The following ZNF407 variants were observed in gnomAD, a reference collection of about 807,000 sequenced individuals.
ZNF407 encodes the protein zinc finger protein 407.
Under a neutral mutation model 131.2 loss-of-function variants are expected in ZNF407, and 17 were observed. The ratio of observed to expected loss-of-function variants is 0.13; its 90% confidence interval spans 0.09 to 0.19. ZNF407 has a LOEUF of 0.19. Ranked by LOEUF, ZNF407 falls within the 10% of genes least tolerant of loss-of-function variation. The probability of loss-of-function intolerance (pLI) is 1.00; values close to 1 mark genes in which losing one functional copy is unlikely to be tolerated. For missense variants in ZNF407, 2,681 were observed against 2,830.6 expected (o/e 0.95, Z 1.20); for synonymous variants, 1,156 against 1,062.0 (o/e 1.09, Z -1.72).
At chr18:74,641,632 G>A (rs1432364521) in intron 3 of ZNF407, among the ~76,000 whole-genome samples, 1 of 152,070 alleles carries the variant, frequency 6.6e-6, no homozygotes, top group East Asian at 1.9e-4. Flanking sequence ...ATGCATTTTT[G>A]TGTAACTTTA....
intron 3 of ZNF407, among the ~76,000 whole-genome samples, chr18:74,687,489 A>G (rs998563164): frequency 6.6e-6 from 1 of 151,434 alleles, no homozygotes; most frequent in African/African-American, 2.4e-5. Context: ...CGGGAAAAGG[A>G]CTCCTTGAAA....
At chr18:74,638,927 T>G (rs528471266) in intron 2 of ZNF407, among the ~76,000 whole-genome samples, 1 of 152,182 alleles carries the variant, frequency 6.6e-6, no homozygotes, top group Non-Finnish European at 1.5e-5. Context: ...TTTTTTTTCT[T>G]TAATGCGGAG....
intron 3 of ZNF407, among the ~76,000 whole-genome samples, chr18:74,706,696 G>T (rs544679397): frequency 1.3e-5 from 2 of 152,256 alleles, no homozygotes; most frequent in Admixed American, 1.3e-4. Context: ...AAAGCAAAGG[G>T]ATTGAGAGTG....
Position 74,630,988 on chromosome 18 carries a change from C to T in ZNF407, c.-32C>T. 6.4e-7 allele frequency: 1 copy of T among 1,572,442 alleles called. No homozygotes were observed. Among genetic ancestry groups the T allele is most frequent in the Non-Finnish European group, 8.6e-7 (1 of 1,163,900 alleles). On this transcript the variant is annotated 5_prime_UTR_variant, in exon 2 of 9. Coordinates refer to ENST00000299687, the MANE Select transcript of ZNF407 (RefSeq NM_017757.3). ...ACAGGTTATGAGTGCCAGTGAGCCG[C>T]CTTAGATAGAAGCATCGTCAGCACT...
At chr18:75,009,066 C>G (rs556772375) in intron 8 of ZNF407, among the ~76,000 whole-genome samples, 1 of 152,264 alleles carries the variant, frequency 6.6e-6, no homozygotes, top group Admixed American at 6.5e-5. Context: ...AGAATAGGCT[C>G]CCTTTCTCTT....
At chr18:74,601,304 G>GTT (rs1982566607) in intron 1 of ZNF407, among the ~76,000 whole-genome samples, 1 of 143,102 alleles carries the variant, frequency 7.0e-6, no homozygotes. Context: ...CCTTCAGTTA[G>GTT]TTGTGTGTGT....
chr18:74,625,113 T>G (rs1289201971), intron 1 of ZNF407, among the ~76,000 whole-genome samples: 1 of 152,260 alleles, frequency 6.6e-6, no homozygotes, highest in African/African-American at 2.4e-5. Flanking sequence ...GTTGAATGTT[T>G]GTTGTTATTT....
chr18:74,713,815 CTG>C (rs1967827503), intron 3 of ZNF407, among the ~76,000 whole-genome samples: 1 of 152,058 alleles, frequency 6.6e-6, no homozygotes, highest in Admixed American at 6.5e-5. Context: ...ATTCAGAACT[CTG>C]TAGGTAAATT....
intron 8 of ZNF407, among the ~76,000 whole-genome samples, chr18:74,965,837 A>T (rs1000371388): frequency 1.3e-5 from 2 of 152,124 alleles, no homozygotes; most frequent in Non-Finnish European, 2.9e-5. Context: ...TTGCCTTTTG[A>T]ATATAAGCCA....
chr18:74,787,422 A>C (rs150441798), intron 4 of ZNF407, among the ~76,000 whole-genome samples: 45 of 152,290 alleles, frequency 3.0e-4, no homozygotes, highest in African/African-American at 1.1e-3. Flanking sequence ...AATATTTTCT[A>C]ACTTCTGCTT....
rs567050867 is a variant in ZNF407 at position 74,993,879 on chromosome 18, A to G, written c.5429-69271A>G. On this transcript the variant is annotated intron_variant, in intron 8 of 8. Transcript: ENST00000299687. ...ATCAGGTAAGCTCTCATTTAGGAAC[A>G]TTCTTCTAAATGACTGGCGTGTATT... Among the ~76,000 whole-genome samples, 7 of 152,366 alleles carry G rather than the reference A, an allele frequency of 4.6e-5. No individual in the cohort carries two copies. The East Asian group carries it at 1.4e-3, about 29-fold the overall frequency.
intron 8 of ZNF407, among the ~76,000 whole-genome samples, chr18:74,991,975 C>T (rs141089191): frequency 4.3e-4 from 66 of 152,332 alleles, no homozygotes; most frequent in African/African-American, 1.3e-3. Flanking sequence ...TCTCCAGCTT[C>T]GCATGGCACC....
chr18:74,676,151 G>T (rs896637029), intron 3 of ZNF407, among the ~76,000 whole-genome samples: 2 of 151,854 alleles, frequency 1.3e-5, no homozygotes, highest in Admixed American at 1.3e-4. Context: ...GAGTACAGTG[G>T]CACGATCTCG....
intron 3 of ZNF407, among the ~76,000 whole-genome samples, chr18:74,655,843 A>G (rs1985431373): frequency 6.6e-6 from 1 of 152,158 alleles, no homozygotes; most frequent in Non-Finnish European, 1.5e-5. Context: ...TTACAAATGA[A>G]AACGTCGGTT....
intron 6 of ZNF407, among the ~76,000 whole-genome samples, chr18:74,885,093 C>T (rs1038484550): frequency 2.0e-5 from 3 of 152,030 alleles, no homozygotes; most frequent in Non-Finnish European, 4.4e-5. Flanking sequence ...AATTGCTTGA[C>T]CACTTAGACT....
At chr18:74,754,085 G>A (rs1030397804) in intron 3 of ZNF407, among the ~76,000 whole-genome samples, 1 of 152,204 alleles carries the variant, frequency 6.6e-6, no homozygotes, top group Admixed American at 6.5e-5. Context: ...GAGAGTGTAT[G>A]TGTCCAGGAA....
chr18:75,034,767 A>G (rs1323296655), intron 8 of ZNF407, among the ~76,000 whole-genome samples: 4 of 152,160 alleles, frequency 2.6e-5, no homozygotes, highest in African/African-American at 9.6e-5. Context: ...TGGTGCTTAG[A>G]TACTTGGCAC....
rs185492668 is a variant in ZNF407 at position 74,992,357 on chromosome 18, C to T, written c.5429-70793C>T. ...GGAGGAGACAGGCAGTTACCATAGT[C>T]GATTGGAAGGTCTGGGTAGGCCTTG... On this transcript the variant is annotated intron_variant, in intron 8 of 8. Transcript: ENST00000299687. Among the ~76,000 whole-genome samples the T allele has an allele frequency of 7.9e-5, 12 of 152,110 alleles. No individual in the cohort carries two copies. The South Asian group carries it at 2.3e-3, about 29-fold the overall frequency.
At chr18:74,730,049 A>T (rs1338925038) in intron 3 of ZNF407, among the ~76,000 whole-genome samples, 1 of 152,212 alleles carries the variant, frequency 6.6e-6, no homozygotes, top group Non-Finnish European at 1.5e-5. Flanking sequence ...TATTCATTCA[A>T]CAAACGCCTG....
Sources: gnomAD v4.1 joint callset for allele counts (sites outside exome capture counted in the v4.1 genomes callset) on GRCh38, gnomAD v4.1.1 for gene constraint, MANE v1.5 for transcripts, NCBI Gene and HGNC (gene_info 2026-07-23, HGNC 2026-07-21) for gene names.